SDK1: variants seen among roughly 807,000 people sequenced by gnomAD.
SDK1 encodes protein sidekick-1.
A neutral mutation model predicts 245.5 loss-of-function variants in SDK1; 157 were observed. That is an observed-to-expected ratio of 0.64 (90% confidence interval 0.56 to 0.73). SDK1 has a LOEUF of 0.73. Ranked by LOEUF, SDK1 falls within the 30% of genes least tolerant of loss-of-function variation. The pLI is 0.00. For synonymous variants in SDK1, 1,647 were observed against 1,278.5 expected (o/e 1.29, Z -6.15); for missense variants, 3,583 against 3,002.3 (o/e 1.19, Z -4.52).
At chr7:3,567,747 C>T (rs1052952801) in intron 1 of SDK1, among the ~76,000 whole-genome samples, 2 of 152,126 alleles carry the variant, frequency 1.3e-5, no homozygotes, top group African/African-American at 2.4e-5. Context: ...AGGGCTGTGC[C>T]TTTGATGGCT....
At chr7:3,952,594 T>A (rs1361619947) in intron 7 of SDK1, among the ~76,000 whole-genome samples, 1 of 151,912 alleles carries the variant, frequency 6.6e-6, no homozygotes, top group South Asian at 2.1e-4. Context: ...AAAAAAAAAA[T>A]TATTAATTTA....
At chr7:3,564,566 T>C (rs1011877208) in intron 1 of SDK1, among the ~76,000 whole-genome samples, 1 of 152,052 alleles carries the variant, frequency 6.6e-6, no homozygotes, top group Non-Finnish European at 1.5e-5. Flanking sequence ...TTTCAAATGA[T>C]TTTATTGGAA....
rs190244181 is a variant in SDK1, at chr7:3,522,653, A to G, written c.299-96427A>G. Among the ~76,000 whole-genome samples the G allele has an allele frequency of 2.2e-4, 34 of 152,136 alleles. No individual in the cohort carries two copies. In the East Asian group the frequency reaches 5.2e-3, roughly 23 times the overall value. ...ACCTTTGAACGACTTCTTACTTCCT[A>G]TAGTCTTCAAAACTGCCAGAGGCTG... On this transcript the variant is annotated intron_variant, in intron 1 of 44. Transcript: ENST00000404826.
chr7:3,990,965 G>A (rs2128140897), intron 14 of SDK1, among the ~76,000 whole-genome samples: 1 of 152,344 alleles, frequency 6.6e-6, no homozygotes, highest in South Asian at 2.1e-4. Context: ...TGTTACAGCG[G>A]TGAAGCCAGC....
chr7:3,732,886 T>C lies in SDK1; in HGVS notation c.714-88564T>C, dbSNP rs569826585. Among the ~76,000 whole-genome samples, 7 of 152,340 alleles carry C rather than the reference T, an allele frequency of 4.6e-5. No homozygotes were observed. In the South Asian group the frequency reaches 1.0e-3, roughly 23 times the overall value. On this transcript the variant is annotated intron_variant, in intron 4 of 44. Coordinates refer to ENST00000404826, the MANE Select transcript of SDK1 (RefSeq NM_152744.4). Reference sequence around the variant, plus strand: ...TATTCTCCCTTTCTGACAGCAGTCATCCTGACTTGCTGTGGAGAATGAGTT... The same window carrying C: ...TATTCTCCCTTTCTGACAGCAGTCACCCTGACTTGCTGTGGAGAATGAGTT...
intron 44 of SDK1, among the ~76,000 whole-genome samples, chr7:4,246,926 GC>G (rs927921102): frequency 3.9e-5 from 6 of 152,212 alleles, no homozygotes; most frequent in African/African-American, 1.4e-4. Flanking sequence ...CCACGAGGGG[GC>G]TCTAAGCAGG....
At chr7:3,466,008 C>T (rs185918967) in intron 1 of SDK1, among the ~76,000 whole-genome samples, 8 of 152,140 alleles carry the variant, frequency 5.3e-5, no homozygotes, top group Non-Finnish European at 7.4e-5. Flanking sequence ...ACATGGAACC[C>T]TTTGAATGGT....
At chr7:3,797,167 T>A (rs1285844133) in intron 4 of SDK1, among the ~76,000 whole-genome samples, 1 of 151,942 alleles carries the variant, frequency 6.6e-6, no homozygotes, top group Non-Finnish European at 1.5e-5. Context: ...CCATTGTACC[T>A]GGCTAATTTT....
rs1182241635 is a variant in SDK1 at position 3,357,333 on chromosome 7, T to G, written c.298+55449T>G. Reference sequence around the variant, plus strand: ...CTTGCTCCCCTTCTTTTAGTGTTTTTTTTTTTTTTTTTTTTTTTTTTTTTT... The same window carrying G: ...CTTGCTCCCCTTCTTTTAGTGTTTTGTTTTTTTTTTTTTTTTTTTTTTTTT... On this transcript the variant is annotated intron_variant, in intron 1 of 44. Coordinates refer to ENST00000404826, the MANE Select transcript of SDK1 (RefSeq NM_152744.4). Among the ~76,000 whole-genome samples, 76 of 14,362 alleles carry G rather than the reference T, an allele frequency of 5.3e-3. 1 individual carries two copies. The highest frequency in any genetic ancestry group is 8.1e-3 in the Non-Finnish European group (65 of 8,004). 9.4% of individuals were successfully genotyped at this position (14,362 alleles called of 152,430 possible). A position where few individuals can be genotyped will look rare whatever the true frequency, so the allele number is the denominator to read the frequency against.
At chr7:3,342,452 G>A (rs1293540867) in intron 1 of SDK1, among the ~76,000 whole-genome samples, 2 of 152,130 alleles carry the variant, frequency 1.3e-5, no homozygotes, top group Non-Finnish European at 2.9e-5. Context: ...GCCAGGTGTG[G>A]TGGCACATGC....
Position 3,989,147 on chromosome 7 carries a change from C to G in SDK1, c.2131+1825C>G, listed in dbSNP as rs114475781. 5.6e-3 allele frequency among the ~76,000 whole-genome samples: 851 copies of G among 152,326 alleles called. 10 individuals carry two copies. Among genetic ancestry groups the G allele is most frequent in the African/African-American group, 0.019 (787 of 41,584 alleles). On this transcript the variant is annotated intron_variant, in intron 14 of 44. Transcript: ENST00000404826. ...TTCACACTGCCAATAAAGACACACC[C>G]AAGACTGGGCAATTTACAGAGGAAA... is the stretch of plus-strand genomic sequence containing the variant.
At chr7:3,945,175 C>T (rs190802127) in intron 5 of SDK1, among the ~76,000 whole-genome samples, 4 of 152,094 alleles carry the variant, frequency 2.6e-5, no homozygotes, top group African/African-American at 9.7e-5. Flanking sequence ...AATACTTAAG[C>T]TAGATTAAAA....
At chr7:3,812,959 A>G (rs1158023457) in intron 4 of SDK1, among the ~76,000 whole-genome samples, 3 of 152,142 alleles carry the variant, frequency 2.0e-5, no homozygotes, top group South Asian at 2.1e-4. Context: ...TGCTTTTAAG[A>G]TGTTTTTCTT....
At chr7:4,138,640 G>C in intron 28 of SDK1, among the ~76,000 whole-genome samples, 1 of 151,926 alleles carries the variant, frequency 6.6e-6, no homozygotes, top group Non-Finnish European at 1.5e-5. Flanking sequence ...CCACCTACTT[G>C]GGAGGCTGAG....
At chr7:3,924,449 A>G (rs919397038) in intron 5 of SDK1, among the ~76,000 whole-genome samples, 4 of 152,162 alleles carry the variant, frequency 2.6e-5, no homozygotes, top group African/African-American at 9.7e-5. Flanking sequence ...CGTCGTGGTG[A>G]CGGGGTGTGA....
chr7:3,441,722 A>G (rs998227402), intron 1 of SDK1, among the ~76,000 whole-genome samples: 19 of 152,150 alleles, frequency 1.2e-4, no homozygotes, highest in African/African-American at 4.1e-4. Flanking sequence ...CTGGGATTGC[A>G]TTGGATCTTG....
chr7:3,382,251 A>G (rs968932462), intron 1 of SDK1, among the ~76,000 whole-genome samples: 1 of 151,980 alleles, frequency 6.6e-6, no homozygotes, highest in Non-Finnish European at 1.5e-5. Context: ...GATTACAGGC[A>G]TGAACCATAG....
At chr7:4,168,459 C>T (rs1290741796) in intron 32 of SDK1, among the ~76,000 whole-genome samples, 6 of 152,212 alleles carry the variant, frequency 3.9e-5, no homozygotes, top group Non-Finnish European at 7.3e-5. Context: ...TCGGCCCCTT[C>T]CCCTCCATCT....
chr7:4,140,416 C>T (rs965995580), intron 28 of SDK1, among the ~76,000 whole-genome samples: 1 of 152,168 alleles, frequency 6.6e-6, no homozygotes, highest in African/African-American at 2.4e-5. Context: ...AGTGGGACCC[C>T]CGGCCCCACG....
Sources: allele counts gnomAD v4.1 joint callset (sites outside exome capture counted in the v4.1 genomes callset), GRCh38; gene constraint gnomAD v4.1.1; transcripts MANE v1.5; gene names NCBI Gene and HGNC (gene_info 2026-07-23, HGNC 2026-07-21).